The following SDR16C5 variants were observed in gnomAD, a reference collection of about 807,000 sequenced individuals.
The protein encoded by SDR16C5 is epidermal retinol dehydrogenase 2.
In SDR16C5, 20 loss-of-function variants were observed where a neutral mutation model predicts 27.7. The ratio of observed to expected loss-of-function variants is 0.72; its 90% CI spans 0.51 to 1.05. SDR16C5 has a LOEUF of 1.05. Among genes scored for constraint, SDR16C5 ranks in the 50% least tolerant of loss-of-function variants. The pLI is 0.00. For missense variants in SDR16C5, 374 were observed against 366.3 expected, an observed-to-expected ratio of 1.02 and a Z score of -0.17; for synonymous variants, 139 against 132.3, an observed-to-expected ratio of 1.05 and a Z score of -0.35.
rs528692332 is a variant in SDR16C5 at position 56,300,637 on chromosome 8, A to G, written c.*843T>C. The G allele has an allele frequency of 6.6e-6, 1 of 152,214 alleles. No homozygotes were observed. The highest frequency in any genetic ancestry group is 1.5e-5 in the Non-Finnish European group (1 of 68,040). The allele number at this position is 152,214 out of a possible 1,614,324, so 9.4% of individuals were successfully genotyped here. On this transcript the variant is annotated 3_prime_UTR_variant, in exon 7 of 7. Transcript: ENST00000303749. ...GCCCATTCTGCAGGAAAATGCCTCAACCTGAATCCCAACTTGAAATACTAA... is the reference window on the plus strand; with the variant it reads ...GCCCATTCTGCAGGAAAATGCCTCAGCCTGAATCCCAACTTGAAATACTAA...
At chr8:56,315,963 G>T in intron 2 of SDR16C5, 52 bp downstream of exon 2, 1 of 1,274,352 alleles carries the variant, frequency 7.8e-7, no homozygotes, top group Non-Finnish European at 1.1e-6. Flanking sequence ...AAAGGCAAGT[G>T]AAAAAGAGTG....
chr8:56,309,999 G>A (rs912715177), intron 3 of SDR16C5, among the ~76,000 whole-genome samples: 1 of 151,158 alleles, frequency 6.6e-6, no homozygotes, highest in Non-Finnish European at 1.5e-5. Flanking sequence ...CATGAGGAGT[G>A]GTAGGAGCCA....
Position 56,306,723 on chromosome 8 carries a change from C to G in SDR16C5, c.663G>C (p.Val221=), listed in dbSNP as rs1241817749. The G allele has an allele frequency of 6.2e-7, 1 of 1,613,750 alleles. No individual in the cohort carries two copies. Among genetic ancestry groups the G allele is most frequent in the South Asian group, 1.1e-5 (1 of 90,994 alleles). Residue 221 remains valine, a synonymous_variant, in exon 5 of 7, where the codon GTG becomes GTC. Coordinates refer to ENST00000303749, the MANE Select transcript of SDR16C5 (RefSeq NM_138969.4). ...QKQKGIKTTI[V]CPFFIKTGMF... ...TTCCAGTTTTTATAAAAAAGGGGCACACAATCGTGGTTTTGATCCCCTTTT... is the reference window on the plus strand; with the variant it reads ...TTCCAGTTTTTATAAAAAAGGGGCAGACAATCGTGGTTTTGATCCCCTTTT...
chr8:56,305,386 C>A (rs550010899), intron 6 of SDR16C5, among the ~76,000 whole-genome samples: 8 of 152,276 alleles, frequency 5.3e-5, no homozygotes, highest in Admixed American at 5.2e-4. Context: ...AAGGATTAGA[C>A]CCCATTTTCT....
chr8:56,309,437 C>A (rs1317374187), intron 3 of SDR16C5: 1 of 985,252 alleles, frequency 1.0e-6, no homozygotes, highest in Non-Finnish European at 1.2e-6. Flanking sequence ...ACATTGTTCA[C>A]AGGACATCTG....
chr8:56,314,388 T>A (rs938414074), intron 2 of SDR16C5, among the ~76,000 whole-genome samples: 1 of 152,196 alleles, frequency 6.6e-6, no homozygotes, highest in Non-Finnish European at 1.5e-5. Flanking sequence ...TTTGGCTGTT[T>A]CTGAAGTCAA....
chr8:56,318,354 CA>C (rs1198142091), intron 1 of SDR16C5, among the ~76,000 whole-genome samples: 21 of 152,174 alleles, frequency 1.4e-4, no homozygotes, highest in Admixed American at 1.1e-3. Flanking sequence ...AATGATTGAT[CA>C]GGCCTCTCAG....
At chr8:56,317,071 T>A (rs1815218557) in intron 1 of SDR16C5, among the ~76,000 whole-genome samples, 1 of 152,196 alleles carries the variant, frequency 6.6e-6, no homozygotes, top group Non-Finnish European at 1.5e-5. Flanking sequence ...ACTCCTGCCC[T>A]GCACTGCCTC....
At position 56,304,012 on chromosome 8, in the gene SDR16C5, T is replaced by C. The variant is rs1312661958; in HGVS notation, c.836+1585A>G. 3 of 702,896 alleles carry C rather than the reference T, an allele frequency of 4.3e-6. No homozygotes were observed. The African/African-American group carries it at 5.2e-5, about 12-fold the overall frequency. The allele number at this position is 702,896 out of a possible 1,614,324, so 43.5% of individuals were successfully genotyped here. Reference sequence around the variant, plus strand: ...ATCGTAAGCCTGAATTTCGAATTGCTTGTCCAGGATCCTTTGCTCTGTCCC... The same window carrying C: ...ATCGTAAGCCTGAATTTCGAATTGCCTGTCCAGGATCCTTTGCTCTGTCCC... On this transcript the variant is annotated intron_variant, in intron 6 of 6. Transcript: ENST00000303749.
intron 2 of SDR16C5, among the ~76,000 whole-genome samples, chr8:56,315,487 C>G (rs1005752855): frequency 1.3e-5 from 2 of 152,078 alleles, no homozygotes; most frequent in African/African-American, 4.8e-5. Context: ...TGGACACAGC[C>G]TAAATTTAAA....
At chr8:56,306,539 A>G (rs2129257821) in intron 5 of SDR16C5, 137 bp downstream of exon 5, 1 of 829,654 alleles carries the variant, frequency 1.2e-6, no homozygotes, top group South Asian at 2.1e-5. Flanking sequence ...ACTAAGAAAG[A>G]CAGAATTCTA....
intron 6 of SDR16C5, among the ~76,000 whole-genome samples, chr8:56,302,288 C>A (rs1179388654): frequency 6.6e-6 from 1 of 152,204 alleles, no homozygotes; most frequent in South Asian, 2.1e-4. Context: ...CCAAGATCTC[C>A]AGGTGGTTCA....
At chr8:56,303,219 C>G (rs2129256520) in intron 6 of SDR16C5, among the ~76,000 whole-genome samples, 1 of 150,420 alleles carries the variant, frequency 6.6e-6, no homozygotes, top group South Asian at 2.1e-4. Flanking sequence ...GAGGCTGAGA[C>G]AGGAGAATCA....
At chr8:56,314,319 T>C (rs1391233854) in intron 2 of SDR16C5, among the ~76,000 whole-genome samples, 1 of 152,118 alleles carries the variant, frequency 6.6e-6, no homozygotes, top group African/African-American at 2.4e-5. Context: ...AGCACATAAG[T>C]AATTCCCTCA....
chr8:56,316,328 G>A lies in SDR16C5; in HGVS notation c.20C>T (p.Ser7Leu). 1.9e-6 allele frequency: 3 copies of A among 1,613,094 alleles called. No individual in the cohort carries two copies. The highest frequency in any genetic ancestry group is 2.5e-6 in the Non-Finnish European group (3 of 1,179,092). ...TAAGAAAATGAACAGTTTCTTTGAT[G>A]ATTGCAGGTTGAAAGACATGTTCTG... is the stretch of plus-strand genomic sequence containing the variant. MSFNLQ[S>L]SKKLFIFLGK... The change falls in exon 2 of 7, where the codon TCA becomes TTA. Residue 7 changes from serine to leucine, a missense_variant. Transcript: ENST00000303749.
rs1814866536 is a variant in SDR16C5, at chr8:56,305,740, A to G, written c.711-18T>C. 3 of 1,565,744 alleles carry G rather than the reference A, an allele frequency of 1.9e-6. No individual in the cohort carries two copies. The highest frequency in any genetic ancestry group is 2.3e-5 in the East Asian group (1 of 43,220). ...AAGGACAGCTAGGATATAAAATGAC[A>G]ACAATTAAAAAAAACCCTGAAGGCC... On this transcript the variant is annotated intron_variant, in intron 5 of 6. Coordinates refer to ENST00000303749, the MANE Select transcript of SDR16C5 (RefSeq NM_138969.4).
At position 56,308,991 on chromosome 8, in the gene SDR16C5, C is replaced by T. The variant is rs769780012; in HGVS notation, c.502G>A (p.Asp168Asn). Residue 168 changes from aspartate to asparagine, a missense_variant, in exon 4 of 7, where the codon GAC (aspartate) becomes AAC (asparagine). Asp to Asn is a conservative substitution (Grantham distance 23). Transcript: ENST00000303749. ...KAFLPAMIAN[D>N]HGHLVCISSS... ...GAAATGCAAACCAAATGTCCATGGT[C>T]ATTAGCAATCATAGCAGGTAGAAAG... 3.7e-6 allele frequency: 6 copies of T among 1,612,156 alleles called. No individual in the cohort carries two copies. Among genetic ancestry groups the T allele is most frequent in the Non-Finnish European group, 5.1e-6 (6 of 1,179,212 alleles).
intron 2 of SDR16C5, 39 bp downstream of exon 2, chr8:56,315,976 A>T (rs930278740): frequency 3.5e-5 from 48 of 1,355,884 alleles, no homozygotes; most frequent in Non-Finnish European, 4.9e-5. Flanking sequence ...AAAGAGTGTG[A>T]TGTGTATCAA....
chr8:56,306,741 C>A lies in SDR16C5; in HGVS notation c.645G>T (p.Gly215=). 1 of 1,613,830 alleles carries A rather than the reference C, an allele frequency of 6.2e-7. No homozygotes were observed. Among genetic ancestry groups the A allele is most frequent in the South Asian group, 1.1e-5 (1 of 90,988 alleles). ...AGGGGCACACAATCGTGGTTTTGAT[C>A]CCCTTTTGTTTTTGGACAAATGTTT... ...FVETFVQKQK[G]IKTTIVCPFF... Residue 215 remains glycine, a synonymous_variant, in exon 5 of 7, where the codon GGG becomes GGT. Coordinates refer to ENST00000303749, the MANE Select transcript of SDR16C5 (RefSeq NM_138969.4).
Sources: gnomAD v4.1 joint callset for allele counts (sites outside exome capture counted in the v4.1 genomes callset) on GRCh38, gnomAD v4.1.1 for gene constraint, MANE v1.5 for transcripts, NCBI Gene and HGNC (gene_info 2026-07-23, HGNC 2026-07-21) for gene names.